Variants in PTPRN2 observed in about 807,000 individuals in gnomAD.
PTPRN2 encodes receptor-type tyrosine-protein phosphatase N2.
A neutral mutation model predicts 118.8 loss-of-function variants in PTPRN2; 74 were observed. That is an observed-to-expected ratio of 0.62 (90% CI 0.52 to 0.76). The LOEUF (loss-of-function observed/expected upper bound fraction) is 0.76, where lower values mean the gene tolerates loss of function less well. Among genes scored for constraint, PTPRN2 ranks in the 30% least tolerant of loss-of-function variants. The pLI, the probability that PTPRN2 is intolerant of heterozygous loss-of-function variation, is 0.00. For missense variants in PTPRN2, 1,481 were observed against 1,394.4 expected (o/e 1.06, Z -0.99); for synonymous variants, 641 against 608.0 (o/e 1.05, Z -0.80).
intron 3 of PTPRN2, among the ~76,000 whole-genome samples, chr7:158,242,744 T>A (rs1795971221): frequency 6.6e-6 from 1 of 152,226 alleles, no homozygotes; most frequent in African/African-American, 2.4e-5. Context: ...TCTTCATGAT[T>A]CAGTCTTGGT....
intron 3 of PTPRN2, among the ~76,000 whole-genome samples, chr7:158,280,471 T>G (rs893316321): frequency 2.4e-4 from 36 of 152,224 alleles, no homozygotes; most frequent in African/African-American, 8.4e-4. Context: ...GCTCAGCCTC[T>G]GCACACAAAC....
At chr7:158,037,301 A>C (rs1808154895) in intron 11 of PTPRN2, among the ~76,000 whole-genome samples, 1 of 152,140 alleles carries the variant, frequency 6.6e-6, no homozygotes. Context: ...TCGTAAATAC[A>C]CTCTCAGGTC....
intron 11 of PTPRN2, among the ~76,000 whole-genome samples, chr7:157,970,219 C>T (rs1802224020): frequency 1.3e-5 from 2 of 152,206 alleles, no homozygotes; most frequent in Admixed American, 6.5e-5. Flanking sequence ...TACTTGCCAC[C>T]TTTGCCCTAT....
Position 158,110,836 on chromosome 7 carries a change from C to G in PTPRN2, c.1636G>C (p.Asp546His). ...LLQVPSSAFA[D>H]VEVLGPAVTF... ...CCAGGGCCCCGTACTTACTCCACGTCAGCGAACGCACTGCTGGGCACCTGC... is the reference window on the plus strand; with the variant it reads ...CCAGGGCCCCGTACTTACTCCACGTGAGCGAACGCACTGCTGGGCACCTGC... Residue 546 changes from aspartate (D) to histidine (H), a missense_variant, in exon 10 of 23, where the codon GAC (aspartate) becomes CAC (histidine). Asp to His is a moderately conservative substitution (Grantham distance 81, BLOSUM62 -1). Coordinates refer to ENST00000389418, the MANE Select transcript of PTPRN2 (RefSeq NM_002847.5). 1 of 1,585,998 alleles carries G rather than the reference C, an allele frequency of 6.3e-7. No homozygotes were observed. The highest frequency in any genetic ancestry group is 8.6e-7 in the Non-Finnish European group (1 of 1,165,476).
intron 1 of PTPRN2, among the ~76,000 whole-genome samples, chr7:158,561,774 G>C (rs1439791538): frequency 6.6e-6 from 1 of 152,178 alleles, no homozygotes; most frequent in Non-Finnish European, 1.5e-5. Flanking sequence ...CAGGGGAGAT[G>C]GCCCGGGCCA....
chr7:158,336,238 C>G (rs1361046655), intron 2 of PTPRN2, among the ~76,000 whole-genome samples: 1 of 82,312 alleles, frequency 1.2e-5, no homozygotes, highest in African/African-American at 4.9e-5. Context: ...ACATCACTCA[C>G]ACCCACACAC....
intron 2 of PTPRN2, among the ~76,000 whole-genome samples, chr7:158,352,977 A>T (rs1808121521): frequency 6.6e-6 from 1 of 152,260 alleles, no homozygotes; most frequent in Non-Finnish European, 1.5e-5. Flanking sequence ...CCAATAGGCC[A>T]GACACTCGCT....
intron 1 of PTPRN2, among the ~76,000 whole-genome samples, chr7:158,556,497 G>T (rs1563430509): frequency 6.6e-6 from 1 of 151,036 alleles, no homozygotes; most frequent in Non-Finnish European, 1.5e-5. Flanking sequence ...AAGTTGCAGT[G>T]AGCCGAGACC....
chr7:157,665,221 G>A (rs1417828132), intron 13 of PTPRN2, among the ~76,000 whole-genome samples: 2 of 152,242 alleles, frequency 1.3e-5, no homozygotes, highest in East Asian at 3.8e-4. Flanking sequence ...TCCAGACTCA[G>A]CCTAACAATC....
chr7:158,133,801 G>A lies in PTPRN2; in HGVS notation c.1432C>T (p.Pro478Ser), dbSNP rs148616705. ...AAFGELQNQM[P>S]GPSKEEQSLP... ...CTCTGCTCCTCCTTCGAGGGCCCAG[G>A]CATCTGGTTTTGGAGCTCCCCAAAC... The change falls in exon 9 of 23, where the codon CCT becomes TCT. Residue 478 changes from proline to serine, a missense_variant. Transcript: ENST00000389418. 2.5e-4 allele frequency: 411 copies of A among 1,613,982 alleles called. 1 individual carries two copies. In the African/African-American group the frequency reaches 4.3e-3, roughly 17 times the overall value.
intron 2 of PTPRN2, among the ~76,000 whole-genome samples, chr7:158,373,029 G>A (rs1245271548): frequency 2.6e-5 from 4 of 152,310 alleles, no homozygotes; most frequent in Admixed American, 6.5e-5. Context: ...GCCAGAGGAT[G>A]CGCTGCACAG....
chr7:157,772,128 CACAG>C (rs199551104), intron 12 of PTPRN2, among the ~76,000 whole-genome samples: 1,707 of 151,170 alleles, frequency 0.011, 25 homozygotes, highest in African/African-American at 0.029. Flanking sequence ...CATACACATA[CACAG>C]ACAGACACAC....
intron 1 of PTPRN2, among the ~76,000 whole-genome samples, chr7:158,573,665 G>A (rs948795681): frequency 3.3e-5 from 5 of 152,212 alleles, no homozygotes; most frequent in African/African-American, 1.2e-4. Context: ...AACTGGACCA[G>A]AGACTCTTTT....
At chr7:157,678,644 G>A (rs181116903) in intron 13 of PTPRN2, among the ~76,000 whole-genome samples, 17 of 152,302 alleles carry the variant, frequency 1.1e-4, no homozygotes, top group East Asian at 1.9e-4. Flanking sequence ...CGACCGAGAC[G>A]TGCACTTAGC....
At chr7:158,054,993 G>A (rs1336417764) in intron 11 of PTPRN2, among the ~76,000 whole-genome samples, 1 of 152,206 alleles carries the variant, frequency 6.6e-6, no homozygotes, top group Non-Finnish European at 1.5e-5. Context: ...AGAGCTGTGG[G>A]CGGTAAGCCA....
chr7:158,085,804 ATGCCCATCCACACC>A, intron 10 of PTPRN2, among the ~76,000 whole-genome samples: 1 of 57,606 alleles, frequency 1.7e-5, no homozygotes, highest in Non-Finnish European at 4.2e-5. Context: ...CCATCCACAC[ATGCCCATCCACACC>A]CACGATGCCC....
chr7:157,568,703 T>G (rs1301141223), intron 21 of PTPRN2, among the ~76,000 whole-genome samples, 199 bp downstream of exon 21: 1 of 151,764 alleles, frequency 6.6e-6, no homozygotes, highest in African/African-American at 2.4e-5. Flanking sequence ...CACTGCAGGC[T>G]CGGCACGCAG....
chr7:157,773,453 C>T (rs1039339965), intron 12 of PTPRN2, among the ~76,000 whole-genome samples: 8 of 152,360 alleles, frequency 5.3e-5, no homozygotes, highest in African/African-American at 1.9e-4. Flanking sequence ...TGCTCAAGCC[C>T]ACCTGCCTCT....
Position 157,729,461 on chromosome 7 carries a change from TTGAGGAAATGTTTC to T in PTPRN2, c.1789-46538_1789-46525del, listed in dbSNP as rs1476633120. On this transcript the variant is annotated intron_variant, in intron 12 of 22. Coordinates refer to ENST00000389418, the MANE Select transcript of PTPRN2 (RefSeq NM_002847.5). This position sits in a 1 kb window ranked among gnomAD's most constrained non-coding sequence, Gnocchi z 4.3. ...TAGGGACTCCTGGGAAGACTTCTCT[TTGAGGAAATGTTTC>T]CGCTGCTAAAATGCAAAGTTCCCCG... 1.3e-5 allele frequency among the ~76,000 whole-genome samples: 2 copies of T among 152,122 alleles called. No homozygotes were observed. Among genetic ancestry groups the T allele is most frequent in the African/African-American group, 2.4e-5 (1 of 41,434 alleles).
Sources: allele counts gnomAD v4.1 joint callset (sites outside exome capture counted in the v4.1 genomes callset), GRCh38; gene constraint gnomAD v4.1.1; non-coding constraint Gnocchi (gnomAD v3.1); transcripts MANE v1.5; gene names NCBI Gene and HGNC (gene_info 2026-07-23, HGNC 2026-07-21).